The following DNAJB14 variants were observed in gnomAD, a reference collection of about 807,000 sequenced individuals.
DNAJB14 encodes the protein DnaJ heat shock protein family (Hsp40) member B14.
DNAJB14 carries 22 observed loss-of-function variants against 48.4 expected under a neutral mutation model. The observed-to-expected ratio is 0.45, with a 90% confidence interval of 0.32 to 0.65. The LOEUF is 0.65. Ranked by LOEUF, DNAJB14 falls within the 30% of genes least tolerant of loss-of-function variation. DNAJB14 has a pLI of 0.03. For synonymous variants in DNAJB14, 142 were observed against 158.7 expected, an observed-to-expected ratio of 0.89 and a Z score of 0.79; for missense variants, 319 against 458.8, an observed-to-expected ratio of 0.70 and a Z score of 2.78.
rs781512453 is a variant in DNAJB14 at position 99,906,542 on chromosome 4, T to C, written c.707A>G (p.His236Arg). The C allele has an allele frequency of 6.2e-7, 1 of 1,611,512 alleles. No homozygotes were observed. Among genetic ancestry groups the C allele is most frequent in the Non-Finnish European group, 8.5e-7 (1 of 1,179,614 alleles). The change falls in exon 5 of 8, where the codon CAT (histidine) becomes CGT (arginine). Residue 236 changes from histidine to arginine, a missense_variant. Around this residue, in one of 3 missense-constraint regions of DNAJB14, gnomAD observed 166 missense variants for 236.3 expected, o/e 0.70. Transcript: ENST00000442697. The stretch of plus-strand genomic sequence containing the variant: ...ATCTCCTCTTTCCTCTTCTCTTTCA[T>C]GTCCACTATGTCGATGCTGATGTTG... Reference protein sequence around the residue: ...SQQHQHRHSGHEREEERGDGG... With the variant: ...SQQHQHRHSGREREEERGDGG...
intron 1 of DNAJB14, among the ~76,000 whole-genome samples, chr4:99,940,905 C>T (rs895970765): frequency 1.3e-5 from 2 of 151,322 alleles, no homozygotes; most frequent in African/African-American, 4.8e-5. Context: ...GACATTTATA[C>T]GCTTTCCAAA....
At chr4:99,946,245 A>AGCCCCAGCCCGGAGCCGGGGCTGGG (rs1481315381) in intron 1 of DNAJB14, among the ~76,000 whole-genome samples, 194 bp downstream of exon 1, 3 of 152,024 alleles carry the variant, frequency 2.0e-5, no homozygotes, top group Non-Finnish European at 2.9e-5. Context: ...GCATTCCCCG[A>AGCCCCAGCCCGGAGCCGGGGCTGGG]GCCCCAGCCC....
chr4:99,930,979 G>A (rs1665492433), intron 1 of DNAJB14, among the ~76,000 whole-genome samples: 1 of 152,166 alleles, frequency 6.6e-6, no homozygotes, highest in Non-Finnish European at 1.5e-5. Flanking sequence ...TAGACTTCCT[G>A]TTTAATTCTC....
intron 1 of DNAJB14, among the ~76,000 whole-genome samples, chr4:99,938,434 G>GGTTA (rs1213359083): frequency 6.6e-6 from 1 of 150,544 alleles, no homozygotes; most frequent in Non-Finnish European, 1.5e-5. Flanking sequence ...TAAACTTGAT[G>GGTTA]GTTACGCTGT....
intron 3 of DNAJB14, among the ~76,000 whole-genome samples, chr4:99,913,701 A>G (rs1367647562): frequency 6.6e-6 from 1 of 151,444 alleles, no homozygotes; most frequent in Non-Finnish European, 1.5e-5. Flanking sequence ...TAACTGGAAA[A>G]TGTCTCTTCC....
In DNAJB14 at chr4:99,896,345, A is replaced by C. The variant is rs1725147723; in HGVS notation, c.*4683T>G. On this transcript the variant is annotated 3_prime_UTR_variant, in exon 8 of 8. Coordinates refer to ENST00000442697, the MANE Select transcript of DNAJB14 (RefSeq NM_001031723.4). ...ATTTCATTCAGAACATTCATTAAAA[A>C]TCAAATGCATTTGAGTTCTCACAGA... 1 of 152,200 alleles carries C rather than the reference A, an allele frequency of 6.6e-6. No homozygotes were observed. The highest frequency in any genetic ancestry group is 1.5e-5 in the Non-Finnish European group (1 of 68,014). The allele number at this position is 152,200 out of a possible 1,614,324, so 9.4% of individuals were successfully genotyped here. A position where few individuals can be genotyped will look rare whatever the true frequency, so the allele number is the denominator to read the frequency against.
intron 1 of DNAJB14, chr4:99,942,517 A>G (rs954997096): frequency 1.3e-5 from 2 of 152,088 alleles, no homozygotes; most frequent in African/African-American, 4.8e-5. Context: ...TATATTTTCT[A>G]TGTGGTAGCT....
At chr4:99,906,168 G>C (rs1286153736) in intron 5 of DNAJB14, 1 of 1,329,368 alleles carries the variant, frequency 7.5e-7, no homozygotes, top group Non-Finnish European at 9.8e-7. Flanking sequence ...AGGCAATTAG[G>C]TATAACTGCA....
intron 3 of DNAJB14, among the ~76,000 whole-genome samples, chr4:99,918,096 C>A (rs1415004902): frequency 6.6e-6 from 1 of 152,122 alleles, no homozygotes; most frequent in Non-Finnish European, 1.5e-5. Flanking sequence ...TCTAGGACAC[C>A]AATCACCTAA....
intron 1 of DNAJB14, among the ~76,000 whole-genome samples, chr4:99,945,901 T>C (rs1727049973): frequency 6.6e-6 from 1 of 152,246 alleles, no homozygotes; most frequent in African/African-American, 2.4e-5. Context: ...AAGTGTGCTC[T>C]TCTCTTTTAA....
intron 4 of DNAJB14, 140 bp downstream of exon 4, chr4:99,908,571 G>A: frequency 1.7e-6 from 1 of 588,932 alleles, no homozygotes; most frequent in Non-Finnish European, 2.7e-6. Context: ...TTTTTCTCCT[G>A]CTTTCATGAA....
intron 7 of DNAJB14, 36 bp downstream of exon 7, chr4:99,903,690 A>G (rs751086167): frequency 1.3e-6 from 2 of 1,581,398 alleles, no homozygotes; most frequent in South Asian, 1.2e-5. Flanking sequence ...AAGACTGCGA[A>G]TAAGTTTTAA....
At position 99,946,530 on chromosome 4, in the gene DNAJB14, G is replaced by C. The variant is rs775489426; in HGVS notation, c.42C>G (p.Ile14Met). The change falls in exon 1 of 8, where the codon ATC becomes ATG. Residue 14 changes from isoleucine (I) to methionine (M), a missense_variant. Ile to Met is a conservative substitution (Grantham distance 10, BLOSUM62 1). This residue lies in a region of DNAJB14 where 116 missense variants were observed against 134.6 expected (regional missense o/e 0.86). Coordinates refer to ENST00000442697, the MANE Select transcript of DNAJB14 (RefSeq NM_001031723.4). The stretch of plus-strand genomic sequence containing the variant: ...TGCCGGCGTTCAGGGCCTCCCGGGC[G>C]ATCTCGACACATTTCTCAGCCTCAT... ...NRDEAEKCVE[I>M]AREALNAGNR... 1 of 1,613,898 alleles carries C rather than the reference G, an allele frequency of 6.2e-7. No individual in the cohort carries two copies. The highest frequency in any genetic ancestry group is 8.5e-7 in the Non-Finnish European group (1 of 1,179,820).
intron 3 of DNAJB14, among the ~76,000 whole-genome samples, chr4:99,921,545 AG>A (rs1295324299): frequency 6.6e-6 from 1 of 152,356 alleles, no homozygotes; most frequent in East Asian, 1.9e-4. Context: ...GCATTAATAA[AG>A]AATTAACATT....
At chr4:99,940,031 A>G (rs1229378693) in intron 1 of DNAJB14, among the ~76,000 whole-genome samples, 1 of 152,170 alleles carries the variant, frequency 6.6e-6, no homozygotes, top group African/African-American at 2.4e-5. Flanking sequence ...TTTTAACATA[A>G]TCTGCATGTA....
In DNAJB14 at chr4:99,946,446, C is replaced by G. The variant is rs766977225; in HGVS notation, c.126G>C (p.Ser42=). The change falls in exon 1 of 8, where the codon TCG becomes TCC. Residue 42 remains serine (S), a synonymous_variant. Transcript: ENST00000442697. ...GGGACGCTGAGGTCTCACCGCGGGCCGAGGGCAGTGGGTAGAGCTTCTCGG... is the reference window on the plus strand; with the variant it reads ...GGGACGCTGAGGTCTCACCGCGGGCGGAGGGCAGTGGGTAGAGCTTCTCGG... The part of the protein sequence containing the change: ...QKAEKLYPLP[S]ARALLEIIMK... 1.2e-6 allele frequency: 2 copies of G among 1,612,284 alleles called. No individual in the cohort carries two copies. The highest frequency in any genetic ancestry group is 1.7e-6 in the Non-Finnish European group (2 of 1,179,172).
In DNAJB14 at chr4:99,897,882, A is replaced by C. The variant is rs1725181188; in HGVS notation, c.*3146T>G. On this transcript the variant is annotated 3_prime_UTR_variant, in exon 8 of 8. Transcript: ENST00000442697. ...CTCTTCTTAACCATTTGGTCCTCTGATATAAAACTTGCTTAACTGGCAAGA... is the reference window on the plus strand; with the variant it reads ...CTCTTCTTAACCATTTGGTCCTCTGCTATAAAACTTGCTTAACTGGCAAGA... 1 of 151,968 alleles carries C rather than the reference A, an allele frequency of 6.6e-6. No homozygotes were observed. Among genetic ancestry groups the C allele is most frequent in the Non-Finnish European group, 1.5e-5 (1 of 67,878 alleles). 9.4% of individuals were successfully genotyped at this position (151,968 alleles called of 1,614,324 possible). A position where few individuals can be genotyped will look rare whatever the true frequency, so the allele number is the denominator to read the frequency against.
intron 3 of DNAJB14, among the ~76,000 whole-genome samples, chr4:99,918,894 T>A (rs1294608427): frequency 6.6e-6 from 1 of 152,142 alleles, no homozygotes; most frequent in Admixed American, 6.5e-5. Flanking sequence ...AAAGTCCACA[T>A]GATCTCCACT....
chr4:99,924,667 G>GGA, intron 2 of DNAJB14: 1 of 1,527,860 alleles, frequency 6.5e-7, no homozygotes, highest in Non-Finnish European at 8.9e-7. Flanking sequence ...AAAAGAGAAT[G>GGA]ATCCCACCTG....
Sources: gnomAD v4.1 joint callset for allele counts (sites outside exome capture counted in the v4.1 genomes callset) on GRCh38, gnomAD v4.1.1 for gene constraint, gnomAD v4.1.1 regional missense constraint, MANE v1.5 for transcripts, NCBI Gene and HGNC (gene_info 2026-07-23, HGNC 2026-07-21) for gene names.